The following SHB variants were observed in gnomAD, a reference collection of about 807,000 sequenced individuals.
SHB encodes the protein SH2 domain-containing adapter protein B.
In SHB, 20 loss-of-function variants were observed where a neutral mutation model predicts 52.3. That is an observed-to-expected ratio of 0.38 (90% confidence interval 0.27 to 0.56). The LOEUF is 0.56. Ranked by LOEUF, SHB falls within the 20% of genes least tolerant of loss-of-function variation. The probability of loss-of-function intolerance (pLI) is 0.71; values close to 1 mark genes in which losing one functional copy is unlikely to be tolerated. For synonymous variants in SHB, 397 were observed against 316.5 expected, an observed-to-expected ratio of 1.25 and a Z score of -2.70; for missense variants, 825 against 723.3, an observed-to-expected ratio of 1.14 and a Z score of -1.61.
chr9:37,942,088 C>T (rs1832440982), intron 5 of SHB, among the ~76,000 whole-genome samples: 1 of 152,196 alleles, frequency 6.6e-6, no homozygotes, highest in Non-Finnish European at 1.5e-5. Flanking sequence ...AAGGGACAGA[C>T]AAAAGAAAAA....
intron 1 of SHB, among the ~76,000 whole-genome samples, chr9:38,054,850 C>T (rs990041322): frequency 1.3e-5 from 2 of 152,156 alleles, no homozygotes; most frequent in Non-Finnish European, 2.9e-5. Flanking sequence ...AAAAGTCAAC[C>T]CCAGCTGTGC....
intron 1 of SHB, among the ~76,000 whole-genome samples, chr9:38,067,003 G>A (rs576711383): frequency 6.6e-6 from 1 of 152,170 alleles, no homozygotes. Flanking sequence ...CCAGAAGACA[G>A]AACAAGTATT....
At chr9:37,927,257 G>C (rs1221403621) in intron 5 of SHB, among the ~76,000 whole-genome samples, 1 of 152,222 alleles carries the variant, frequency 6.6e-6, no homozygotes, top group East Asian at 1.9e-4. Flanking sequence ...AGGAGCTTAG[G>C]AGGCCACGTG....
At position 38,044,521 on chromosome 9, in the gene SHB, G is replaced by A. The variant is rs180840450; in HGVS notation, c.717+23408C>T. On this transcript the variant is annotated intron_variant, in intron 1 of 5. Coordinates refer to ENST00000377707, the MANE Select transcript of SHB (RefSeq NM_003028.3). ...AGTCCCCAGCTAAAAGCTCTCCATA[G>A]AGGAGGTGGTAATTACTAACTGTTT... is the stretch of plus-strand genomic sequence containing the variant. 5.1e-3 allele frequency among the ~76,000 whole-genome samples: 776 copies of A among 152,200 alleles called. 8 individuals are homozygous for A. The highest frequency in any genetic ancestry group is 5.1e-3 in the Non-Finnish European group (345 of 68,022).
chr9:37,926,635 C>T (rs1042192250), intron 5 of SHB, among the ~76,000 whole-genome samples: 6 of 152,236 alleles, frequency 3.9e-5, no homozygotes, highest in African/African-American at 1.4e-4. Flanking sequence ...AGACACACGA[C>T]CCCGTTCTCC....
intron 3 of SHB, among the ~76,000 whole-genome samples, chr9:37,965,427 T>A (rs2117942249): frequency 6.6e-6 from 1 of 152,272 alleles, no homozygotes; most frequent in South Asian, 2.1e-4. Flanking sequence ...TCCTACTGCC[T>A]CACCTAGTGA....
chr9:38,053,798 T>C (rs1821780743), intron 1 of SHB, among the ~76,000 whole-genome samples: 1 of 152,158 alleles, frequency 6.6e-6, no homozygotes, highest in Non-Finnish European at 1.5e-5. Flanking sequence ...CAAAATAATA[T>C]AAAACATTCA....
chr9:37,944,200 G>A (rs1470383862), intron 5 of SHB, among the ~76,000 whole-genome samples: 1 of 152,206 alleles, frequency 6.6e-6, no homozygotes, highest in Non-Finnish European at 1.5e-5. Context: ...CTGCCATGGA[G>A]GGGGCTCTGA....
chr9:37,967,326 T>C (rs1180922203), intron 3 of SHB, among the ~76,000 whole-genome samples: 1 of 152,182 alleles, frequency 6.6e-6, no homozygotes, highest in Non-Finnish European at 1.5e-5. Flanking sequence ...GAAATAGACA[T>C]ACCTGGGGCC....
intron 2 of SHB, among the ~76,000 whole-genome samples, chr9:38,009,799 G>A (rs1185586220): frequency 1.3e-5 from 2 of 152,222 alleles, no homozygotes; most frequent in Non-Finnish European, 2.9e-5. Context: ...AAACAGCCAC[G>A]TCAAAGCAGG....
intron 3 of SHB, among the ~76,000 whole-genome samples, chr9:37,968,893 A>G (rs1032143304): frequency 6.6e-5 from 10 of 151,996 alleles, no homozygotes; most frequent in African/African-American, 1.9e-4. Flanking sequence ...GTGGGACTCT[A>G]TGGTATGTGG....
chr9:37,937,330 A>T (rs1283664687), intron 5 of SHB, among the ~76,000 whole-genome samples: 1 of 152,200 alleles, frequency 6.6e-6, no homozygotes, highest in Non-Finnish European at 1.5e-5. Flanking sequence ...CAGAGTGTGG[A>T]TTTTCCAAAA....
chr9:38,006,952 G>A (rs1272439154), intron 2 of SHB, among the ~76,000 whole-genome samples: 1 of 152,194 alleles, frequency 6.6e-6, no homozygotes, highest in Non-Finnish European at 1.5e-5. Context: ...CTTTGAGAAA[G>A]CCCCTGAATT....
chr9:37,954,830 A>C (rs1430430037), intron 4 of SHB, among the ~76,000 whole-genome samples: 1 of 152,130 alleles, frequency 6.6e-6, no homozygotes, highest in Non-Finnish European at 1.5e-5. Flanking sequence ...AAGGTTTCAG[A>C]GCAGAGCAGG....
intron 2 of SHB, among the ~76,000 whole-genome samples, chr9:37,982,251 G>C (rs1820736806): frequency 1.3e-5 from 2 of 152,232 alleles, no homozygotes; most frequent in South Asian, 4.1e-4. Context: ...CTAGCGCTTT[G>C]GGAGGCCAAG....
intron 1 of SHB, among the ~76,000 whole-genome samples, chr9:38,042,793 C>T (rs1821600062): frequency 6.6e-6 from 1 of 152,206 alleles, no homozygotes; most frequent in Non-Finnish European, 1.5e-5. Flanking sequence ...AGTCGAATTC[C>T]TGTTAATTCT....
At chr9:38,043,214 T>G (rs1188759193) in intron 1 of SHB, among the ~76,000 whole-genome samples, 2 of 152,206 alleles carry the variant, frequency 1.3e-5, no homozygotes, top group African/African-American at 2.4e-5. Context: ...GAAGTCCTTG[T>G]GTCCAATGCT....
At chr9:37,953,512 T>G (rs1443656340) in intron 4 of SHB, among the ~76,000 whole-genome samples, 2 of 150,944 alleles carry the variant, frequency 1.3e-5, no homozygotes. Flanking sequence ...GGGGTGCAGG[T>G]GGGGCTGCCT....
intron 2 of SHB, among the ~76,000 whole-genome samples, chr9:37,989,874 C>G (rs1820861677): frequency 6.6e-6 from 1 of 152,224 alleles, no homozygotes; most frequent in African/African-American, 2.4e-5. Flanking sequence ...AAAGTTGCCA[C>G]TATTCAAAAT....
Sources: allele counts gnomAD v4.1 joint callset (sites outside exome capture counted in the v4.1 genomes callset), GRCh38; gene constraint gnomAD v4.1.1; transcripts MANE v1.5; gene names NCBI Gene and HGNC (gene_info 2026-07-23, HGNC 2026-07-21).